Variants in BUD23 observed in about 807,000 individuals in gnomAD.
BUD23 encodes the protein BUD23 rRNA methyltransferase and ribosome maturation factor.
BUD23 carries 34 observed loss-of-function variants against 47.0 expected under a neutral mutation model. The ratio of observed to expected loss-of-function variants is 0.72; its 90% CI spans 0.55 to 0.96. The LOEUF is 0.96. Ranked by LOEUF, BUD23 falls within the 40% of genes least tolerant of loss-of-function variation. BUD23 has a pLI of 0.00. For missense variants in BUD23, 343 were observed against 361.2 expected (o/e 0.95, Z 0.41); for synonymous variants, 124 against 132.0 (o/e 0.94, Z 0.41).
chr7:73,693,059 G>A (rs1798254675), intron 7 of BUD23: 1 of 563,782 alleles, frequency 1.8e-6, no homozygotes, highest in Non-Finnish European at 3.2e-6. Context: ...TCCAATTGGT[G>A]GCCATCTCCC....
At chr7:73,685,272 C>A (rs1288328471) in intron 2 of BUD23, among the ~76,000 whole-genome samples, 1 of 152,178 alleles carries the variant, frequency 6.6e-6, no homozygotes, top group Non-Finnish European at 1.5e-5. Context: ...AGAGTGAGAC[C>A]CTGACTCAAT....
intron 5 of BUD23, among the ~76,000 whole-genome samples, chr7:73,688,122 T>C (rs1307017121): frequency 1.3e-5 from 2 of 152,048 alleles, no homozygotes; most frequent in African/African-American, 4.8e-5. Context: ...GGTCTCAATC[T>C]CCTGACCTCA....
At chr7:73,686,612 C>T (rs1554613006) in intron 2 of BUD23, 24 bp from the exon 3 acceptor site, 1 of 1,609,664 alleles carries the variant, frequency 6.2e-7, no homozygotes, top group Non-Finnish European at 8.5e-7. Flanking sequence ...TTTACCATGT[C>T]CACTTGTGTT....
intron 7 of BUD23, 145 bp downstream of exon 7, chr7:73,692,791 A>G: frequency 1.4e-6 from 1 of 717,778 alleles, no homozygotes; most frequent in South Asian, 1.9e-5. Context: ...GGCACATTTG[A>G]TGACCTGATA....
chr7:73,686,809 G>A lies in BUD23; in HGVS notation c.183-9G>A. On this transcript the variant is annotated splice_polypyrimidine_tract_variant and intron_variant, in intron 3 of 11. Transcript: ENST00000265758. ...AAACTGACCCTGAGTGTCTGGTCAT[G>A]TCTTCCAGCTGTGGCACTGGGCTGA... 6.2e-7 allele frequency: 1 copy of A among 1,614,176 alleles called. No homozygotes were observed. Among genetic ancestry groups the A allele is most frequent in the East Asian group, 2.2e-5 (1 of 44,886 alleles).
At chr7:73,693,916 G>A (rs782017113) in intron 9 of BUD23, 76 bp from the exon 10 acceptor site, 1 of 1,577,892 alleles carries the variant, frequency 6.3e-7, no homozygotes, top group Non-Finnish European at 8.7e-7. Flanking sequence ...TCAGGCCTGG[G>A]TGCCTGGGCT....
At chr7:73,688,739 A>G (rs550976511) in intron 5 of BUD23, among the ~76,000 whole-genome samples, 2 of 152,342 alleles carry the variant, frequency 1.3e-5, no homozygotes, top group African/African-American at 2.4e-5. Context: ...TGAAAGTGAG[A>G]AAATAGGGGA....
chr7:73,692,769 G>C, intron 7 of BUD23, 123 bp downstream of exon 7: 1 of 952,714 alleles, frequency 1.0e-6, no homozygotes, highest in Non-Finnish European at 1.6e-6. Flanking sequence ...GCACCCTAGT[G>C]TGGCCCCTGA....
rs1798474235 is a variant in BUD23 at position 73,697,674 on chromosome 7, G to A, written c.771G>A (p.Glu257=). The A allele has an allele frequency of 1.9e-6, 3 of 1,613,686 alleles. No individual in the cohort carries two copies. Among genetic ancestry groups the A allele is most frequent in the Non-Finnish European group, 2.5e-6 (3 of 1,179,908 alleles). ...GGGCATGGGTGCTGGAGAAGAAGGA[G>A]CGGCACAGGCGCCAGGGCAGGTGAG... ...KSRAWVLEKK[E]RHRRQGREVR... is the part of the protein sequence containing the mutation. The change falls in exon 11 of 12, where the codon GAG becomes GAA. Residue 257 remains glutamate (E), a synonymous_variant. Transcript: ENST00000265758.
At position 73,698,122 on chromosome 7, in the gene BUD23, T is replaced by C. The variant is rs1033816971; in HGVS notation, c.*236T>C. Reference sequence around the variant, plus strand: ...ACCTGCCTGGGCAACATAATGAAACTTCCTTTCCAGGGAGGAAAAAAAAAA... The same window carrying C: ...ACCTGCCTGGGCAACATAATGAAACCTCCTTTCCAGGGAGGAAAAAAAAAA... On this transcript the variant is annotated 3_prime_UTR_variant, in exon 12 of 12. Transcript: ENST00000265758. 7 of 231,138 alleles carry C rather than the reference T, an allele frequency of 3.0e-5. No individual in the cohort carries two copies. Among genetic ancestry groups the C allele is most frequent in the African/African-American group, 5.1e-5 (2 of 39,374 alleles). The allele number at this position is 231,138 out of a possible 1,614,324, so 14.3% of individuals were successfully genotyped here.
chr7:73,686,738 T>A lies in BUD23; in HGVS notation c.182+7T>A. ...GTTACCTGCTGGATATTGGGTGAGA[T>A]TCTGGGGCCTGGTTCAGATTGTCTA... On this transcript the variant is annotated splice_region_variant and intron_variant, in intron 3 of 11. Transcript: ENST00000265758. 6.2e-7 allele frequency: 1 copy of A among 1,614,148 alleles called. No individual in the cohort carries two copies. The highest frequency in any genetic ancestry group is 8.5e-7 in the Non-Finnish European group (1 of 1,180,026).
At chr7:73,687,209 G>A in intron 5 of BUD23, 114 bp downstream of exon 5, 1 of 1,108,482 alleles carries the variant, frequency 9.0e-7, no homozygotes, top group Non-Finnish European at 1.3e-6. Context: ...CCACCTCCTG[G>A]GTTCAGGTGA....
At chr7:73,684,874 A>G (rs1797890326) in intron 2 of BUD23, among the ~76,000 whole-genome samples, 1 of 132,146 alleles carries the variant, frequency 7.6e-6, no homozygotes, top group African/African-American at 2.9e-5. Flanking sequence ...CAGTGAGCCG[A>G]CATCACGGCA....
intron 2 of BUD23, chr7:73,684,009 G>A: frequency 2.8e-6 from 4 of 1,442,078 alleles, no homozygotes; most frequent in Non-Finnish European, 3.6e-6. Context: ...AGGTAGGGGT[G>A]ATCGCGCTTG....
intron 2 of BUD23, among the ~76,000 whole-genome samples, chr7:73,684,940 A>G (rs1797900206): frequency 7.6e-6 from 1 of 131,460 alleles, no homozygotes; most frequent in African/African-American, 2.9e-5. Context: ...AAAAAAAAAA[A>G]AAAAAAAAAA....
chr7:73,683,995 G>C, intron 2 of BUD23, 191 bp downstream of exon 2: 1 of 1,468,282 alleles, frequency 6.8e-7, no homozygotes, highest in Non-Finnish European at 9.0e-7. Flanking sequence ...GTACCTCAGC[G>C]TTGAGGTAGG....
Position 73,686,812 on chromosome 7 carries a change from T to C in BUD23, c.183-6T>C, listed in dbSNP as rs1797990664. ...CTGACCCTGAGTGTCTGGTCATGTC[T>C]TCCAGCTGTGGCACTGGGCTGAGTG... On this transcript the variant is annotated splice_polypyrimidine_tract_variant and splice_region_variant and intron_variant, in intron 3 of 11. Coordinates refer to ENST00000265758, the MANE Select transcript of BUD23 (RefSeq NM_017528.5). 1 of 1,614,058 alleles carries C rather than the reference T, an allele frequency of 6.2e-7. No homozygotes were observed. Among genetic ancestry groups the C allele is most frequent in the African/African-American group, 1.3e-5 (1 of 74,924 alleles).
intron 5 of BUD23, among the ~76,000 whole-genome samples, chr7:73,688,165 G>C (rs1798052337): frequency 6.6e-6 from 1 of 152,098 alleles, no homozygotes; most frequent in Non-Finnish European, 1.5e-5. Flanking sequence ...CAAAGTGCTA[G>C]GATTACAGGC....
chr7:73,691,423 G>T (rs1444654128), intron 6 of BUD23, among the ~76,000 whole-genome samples: 4 of 152,124 alleles, frequency 2.6e-5, no homozygotes, highest in African/African-American at 9.7e-5. Flanking sequence ...ACATCCTTCT[G>T]ACTCCTCACT....
Sources: allele counts gnomAD v4.1 joint callset (sites outside exome capture counted in the v4.1 genomes callset), GRCh38; gene constraint gnomAD v4.1.1; transcripts MANE v1.5; gene names NCBI Gene and HGNC (gene_info 2026-07-23, HGNC 2026-07-21).